TAFA1: variants seen among roughly 807,000 people sequenced by gnomAD.
The protein encoded by TAFA1 is chemokine-like protein TAFA-1.
TAFA1 carries 4 observed loss-of-function variants against 18.5 expected under a neutral mutation model. That is an observed-to-expected ratio of 0.22 (90% confidence interval 0.11 to 0.49). The LOEUF (loss-of-function observed/expected upper bound fraction) is 0.49, where lower values mean the gene tolerates loss of function less well. TAFA1 is among the 20% of genes least tolerant of loss of function. The pLI is 0.98. For missense variants in TAFA1, 147 were observed against 169.0 expected (o/e 0.87, Z 0.72); for synonymous variants, 56 against 55.2 (o/e 1.01, Z -0.06).
intron 3 of TAFA1, among the ~76,000 whole-genome samples, chr3:68,475,320 C>T (rs1216228747): frequency 6.6e-6 from 1 of 151,828 alleles, no homozygotes; most frequent in Admixed American, 6.6e-5. Flanking sequence ...TCCCCCCACC[C>T]CACAACAGTC....
intron 2 of TAFA1, among the ~76,000 whole-genome samples, chr3:68,269,581 T>G (rs769295327): frequency 6.6e-6 from 1 of 152,122 alleles, no homozygotes; most frequent in Non-Finnish European, 1.5e-5. Flanking sequence ...GGCAACACTT[T>G]GAGAAGTTTC....
At chr3:68,053,725 ATAGGG>A (rs1350304602) in intron 2 of TAFA1, among the ~76,000 whole-genome samples, 21 of 152,120 alleles carry the variant, frequency 1.4e-4, no homozygotes, top group African/African-American at 4.6e-4. Context: ...TTTTTTAGAG[ATAGGG>A]TCTCGCTCTG....
intron 2 of TAFA1, among the ~76,000 whole-genome samples, chr3:68,166,919 GATAA>G (rs2065988672): frequency 6.6e-6 from 1 of 152,266 alleles, no homozygotes; most frequent in African/African-American, 2.4e-5. Flanking sequence ...TCTTCTGAAT[GATAA>G]ATAAGATCAA....
rs1272705480 is a variant in TAFA1, at chr3:68,263,459, A to G, written c.119-153821A>G. Among the ~76,000 whole-genome samples, 6 of 151,414 alleles carry G rather than the reference A, an allele frequency of 4.0e-5. No individual in the cohort carries two copies. In the East Asian group the frequency reaches 1.2e-3, roughly 29 times the overall value. ...ACCACACACACATACACACACACAC[A>G]CACACACACACACACACACACATTT... On this transcript the variant is annotated intron_variant, in intron 2 of 4. Transcript: ENST00000478136.
chr3:68,288,326 G>C (rs937886189), intron 2 of TAFA1, among the ~76,000 whole-genome samples: 19 of 152,132 alleles, frequency 1.2e-4, no homozygotes, highest in Non-Finnish European at 2.2e-4. Context: ...CTTTGCTAAG[G>C]TAAAGCTATC....
intron 3 of TAFA1, among the ~76,000 whole-genome samples, chr3:68,493,209 T>C (rs2072485360): frequency 6.6e-6 from 1 of 152,192 alleles, no homozygotes; most frequent in Non-Finnish European, 1.5e-5. Context: ...ACTTGACTAC[T>C]GAAAGTAGTC....
In TAFA1 at chr3:68,466,887, A is replaced by G. The variant is rs2106937112; in HGVS notation, c.259+49467A>G. Among the ~76,000 whole-genome samples, 2 of 152,292 alleles carry G rather than the reference A, an allele frequency of 1.3e-5. 1 individual carries two copies. Among genetic ancestry groups the G allele is most frequent in the South Asian group, 4.1e-4 (2 of 4,826 alleles). On this transcript the variant is annotated intron_variant, in intron 3 of 4. Coordinates refer to ENST00000478136, the MANE Select transcript of TAFA1 (RefSeq NM_213609.4). ...TTTAAAGCTGGGTATCAGGGGAGACATCGCATGTCGGCAGGTTCCGTGATG... is the reference window on the plus strand; with the variant it reads ...TTTAAAGCTGGGTATCAGGGGAGACGTCGCATGTCGGCAGGTTCCGTGATG...
At chr3:68,005,107 C>T (rs1704335101) in intron 1 of TAFA1, among the ~76,000 whole-genome samples, 1 of 151,916 alleles carries the variant, frequency 6.6e-6, no homozygotes, top group African/African-American at 2.4e-5. Flanking sequence ...TCCACAGTCA[C>T]CTCTGTTTTG....
At chr3:68,230,626 G>C (rs915650586) in intron 2 of TAFA1, among the ~76,000 whole-genome samples, 4 of 152,072 alleles carry the variant, frequency 2.6e-5, no homozygotes, top group Admixed American at 2.6e-4. Context: ...CCTTCCTTTG[G>C]ATATACAATG....
chr3:68,218,663 C>T (rs926902380), intron 2 of TAFA1, among the ~76,000 whole-genome samples: 1 of 152,012 alleles, frequency 6.6e-6, no homozygotes, highest in African/African-American at 2.4e-5. Flanking sequence ...TCTGGAATGC[C>T]GGAAAACAAA....
intron 3 of TAFA1, among the ~76,000 whole-genome samples, chr3:68,504,763 C>T (rs1413796270): frequency 2.0e-5 from 3 of 152,014 alleles, no homozygotes. Context: ...ACAAAAATAT[C>T]AATGTTCAGT....
intron 2 of TAFA1, among the ~76,000 whole-genome samples, chr3:68,170,974 G>A (rs1056210367): frequency 1.3e-5 from 2 of 152,000 alleles, no homozygotes; most frequent in Non-Finnish European, 2.9e-5. Context: ...AGAACGAATA[G>A]CAACAATAAG....
intron 2 of TAFA1, among the ~76,000 whole-genome samples, chr3:68,410,306 A>G (rs1379660321): frequency 6.6e-6 from 1 of 152,104 alleles, no homozygotes; most frequent in East Asian, 1.9e-4. Context: ...CAACATGGGC[A>G]AAAGGAATGA....
At chr3:68,150,410 T>C (rs1237956917) in intron 2 of TAFA1, among the ~76,000 whole-genome samples, 1 of 152,242 alleles carries the variant, frequency 6.6e-6, no homozygotes, top group Non-Finnish European at 1.5e-5. Context: ...TAAATCATTG[T>C]TTTATCAGCC....
chr3:68,368,884 C>A (rs1454638670), intron 2 of TAFA1, among the ~76,000 whole-genome samples: 1 of 152,184 alleles, frequency 6.6e-6, no homozygotes, highest in Non-Finnish European at 1.5e-5. Flanking sequence ...ACCAGTATTT[C>A]TTTCCTGCTG....
At chr3:68,324,624 T>C (rs1476872325) in intron 2 of TAFA1, among the ~76,000 whole-genome samples, 1 of 152,174 alleles carries the variant, frequency 6.6e-6, no homozygotes, top group African/African-American at 2.4e-5. Context: ...GCAAAAGTAA[T>C]TGCATTTGTT....
chr3:68,130,856 G>A (rs1575634557), intron 2 of TAFA1, among the ~76,000 whole-genome samples: 1 of 152,046 alleles, frequency 6.6e-6, no homozygotes, highest in Admixed American at 6.5e-5. Context: ...CTTTCCGTTA[G>A]CTACCTCCCT....
At chr3:68,295,241 G>A (rs1388675411) in intron 2 of TAFA1, among the ~76,000 whole-genome samples, 5 of 152,120 alleles carry the variant, frequency 3.3e-5, no homozygotes, top group African/African-American at 7.2e-5. Context: ...CAGATTCCAC[G>A]ACATTTGTGG....
At chr3:68,122,197 A>T (rs56043851) in intron 2 of TAFA1, among the ~76,000 whole-genome samples, 15,130 of 131,104 alleles carry the variant, frequency 0.12, 1,180 homozygotes, top group African/African-American at 0.23. Context: ...TTCTTTATAT[A>T]TTTTTTTTAA....
Sources: gnomAD v4.1 joint callset for allele counts (sites outside exome capture counted in the v4.1 genomes callset) on GRCh38, gnomAD v4.1.1 for gene constraint, MANE v1.5 for transcripts, NCBI Gene and HGNC (gene_info 2026-07-23, HGNC 2026-07-21) for gene names.